RAPGEF2: variants seen among roughly 807,000 people sequenced by gnomAD.
RAPGEF2 encodes Rap guanine nucleotide exchange factor 2.
A neutral mutation model predicts 186.7 loss-of-function variants in RAPGEF2; 54 were observed. The ratio of observed to expected loss-of-function variants is 0.29; its 90% confidence interval spans 0.23 to 0.36. The LOEUF (loss-of-function observed/expected upper bound fraction) is 0.36, where lower values mean the gene tolerates loss of function less well. Ranked by LOEUF, RAPGEF2 falls within the 10% of genes least tolerant of loss-of-function variation. The probability of loss-of-function intolerance (pLI) is 1.00; values close to 1 mark genes in which losing one functional copy is unlikely to be tolerated. For missense variants in RAPGEF2, 1,532 were observed against 2,045.0 expected, an observed-to-expected ratio of 0.75 and a Z score of 4.84; for synonymous variants, 712 against 705.9, an observed-to-expected ratio of 1.01 and a Z score of -0.14.
chr4:159,286,030 A>AACCACC (rs35426817), intron 7 of RAPGEF2, among the ~76,000 whole-genome samples: 12,625 of 89,040 alleles, frequency 0.14, 1,588 homozygotes, highest in East Asian at 0.36. Flanking sequence ...TGTTCCCCCC[A>AACCACC]ACCACCACCA....
chr4:159,115,762 G>A (rs1012408864), intron 1 of RAPGEF2, among the ~76,000 whole-genome samples: 1 of 152,124 alleles, frequency 6.6e-6, no homozygotes, highest in African/African-American at 2.4e-5. Context: ...ACAGAATAGT[G>A]ATCTCAGAAA....
chr4:159,278,416 C>A (rs1759222431), intron 7 of RAPGEF2, among the ~76,000 whole-genome samples: 1 of 152,092 alleles, frequency 6.6e-6, no homozygotes, highest in Non-Finnish European at 1.5e-5. Context: ...CATTCCTACC[C>A]CTAAGGAACC....
Position 159,143,185 on chromosome 4 carries a change from G to A in RAPGEF2, c.69+38954G>A, listed in dbSNP as rs80293079. On this transcript the variant is annotated intron_variant, in intron 1 of 29. Transcript: ENST00000691494. ...TTCCAGGCTGTATCATATGATGATC[G>A]CTCCTCTGCATAGCTACTGCACTCC... 3.3e-5 allele frequency among the ~76,000 whole-genome samples: 5 copies of A among 151,906 alleles called. No individual in the cohort carries two copies. In the East Asian group the frequency reaches 7.7e-4, roughly 23 times the overall value.
At chr4:159,242,079 T>A (rs1754080531) in intron 6 of RAPGEF2, among the ~76,000 whole-genome samples, 1 of 152,080 alleles carries the variant, frequency 6.6e-6, no homozygotes, top group South Asian at 2.1e-4. Flanking sequence ...CTGCTTTTTA[T>A]GTTTGAGGAA....
At chr4:159,199,057 CA>C (rs749062756) in intron 3 of RAPGEF2, among the ~76,000 whole-genome samples, 15,995 of 80,370 alleles carry the variant, frequency 0.2, 708 homozygotes, top group Admixed American at 0.23. Context: ...GACCCTGTCT[CA>C]AAAAAAAAAA....
chr4:159,312,154 A>G (rs1579888756), intron 8 of RAPGEF2, among the ~76,000 whole-genome samples: 2 of 152,278 alleles, frequency 1.3e-5, no homozygotes, highest in East Asian at 3.9e-4. Flanking sequence ...TTTTGCATAC[A>G]TTAGATGTTT....
chr4:159,220,531 A>G (rs1323880713), intron 4 of RAPGEF2, among the ~76,000 whole-genome samples: 14 of 152,240 alleles, frequency 9.2e-5, no homozygotes, highest in Admixed American at 9.2e-4. Flanking sequence ...CATACAGGAC[A>G]GCTCAAAGTG....
At position 159,131,519 on chromosome 4, in the gene RAPGEF2, A is replaced by ATTGGTTTT; in HGVS notation, c.69+27290_69+27291insGGTTTTTT. Among the ~76,000 whole-genome samples the ATTGGTTTT allele has an allele frequency of 1.0e-3, 38 of 37,178 alleles. 1 individual carries two copies. The highest frequency in any genetic ancestry group is 2.6e-3 in the African/African-American group (22 of 8,304). The allele number at this position is 37,178 out of a possible 152,430, so 24.4% of individuals were successfully genotyped here. A position where few individuals can be genotyped will look rare whatever the true frequency, so the allele number is the denominator to read the frequency against. On this transcript the variant is annotated intron_variant, in intron 1 of 29. Transcript: ENST00000691494. Reference sequence around the variant, plus strand: ...TGATATCTTTGTCTGATTAATTGCTATTTTTTTTTTTTTTTTTTTTTTTTT... The same window carrying ATTGGTTTT: ...TGATATCTTTGTCTGATTAATTGCTATTGGTTTTTTTTTTTTTTTTTTTTTTTTTTTTT...
At chr4:159,306,110 G>A (rs1763260359) in intron 8 of RAPGEF2, among the ~76,000 whole-genome samples, 1 of 151,370 alleles carries the variant, frequency 6.6e-6, no homozygotes, top group African/African-American at 2.4e-5. Flanking sequence ...TCACTATTCA[G>A]GCTCTTTTGT....
intron 8 of RAPGEF2, among the ~76,000 whole-genome samples, chr4:159,310,507 T>C (rs891723251): frequency 6.6e-6 from 1 of 152,160 alleles, no homozygotes; most frequent in African/African-American, 2.4e-5. Flanking sequence ...TTGTGAATTT[T>C]CTTGATTTTT....
At chr4:159,311,243 A>C (rs770461932) in intron 8 of RAPGEF2, among the ~76,000 whole-genome samples, 1 of 152,196 alleles carries the variant, frequency 6.6e-6, no homozygotes, top group Non-Finnish European at 1.5e-5. Context: ...ATAGTCATTC[A>C]ATATAGGATC....
At chr4:159,162,682 C>T (rs1453132592) in intron 1 of RAPGEF2, among the ~76,000 whole-genome samples, 3 of 152,026 alleles carry the variant, frequency 2.0e-5, no homozygotes, top group Non-Finnish European at 4.4e-5. Flanking sequence ...GATTATAGCC[C>T]TCAGCCACCC....
chr4:159,170,932 T>C lies in RAPGEF2; in HGVS notation c.70-15710T>C, dbSNP rs1397112426. ...CTGCATGTGTAGATACCCAGTTTTCTCAACATCATTTATTGAAGAGACTCT... is the reference window on the plus strand; with the variant it reads ...CTGCATGTGTAGATACCCAGTTTTCCCAACATCATTTATTGAAGAGACTCT... On this transcript the variant is annotated intron_variant, in intron 1 of 29. Coordinates refer to ENST00000691494, the MANE Select transcript of RAPGEF2 (RefSeq NM_001394067.2). Among the ~76,000 whole-genome samples, 4 of 152,108 alleles carry C rather than the reference T, an allele frequency of 2.6e-5. 1 individual carries two copies. In the East Asian group the frequency reaches 5.8e-4, roughly 22 times the overall value.
chr4:159,187,125 A>G (rs766168519), intron 2 of RAPGEF2, among the ~76,000 whole-genome samples: 2 of 152,226 alleles, frequency 1.3e-5, no homozygotes, highest in African/African-American at 4.8e-5. Context: ...TGCTTCATCT[A>G]GGTCCTATAC....
At chr4:159,344,469 G>A (rs1730007986) in intron 23 of RAPGEF2, among the ~76,000 whole-genome samples, 1 of 152,156 alleles carries the variant, frequency 6.6e-6, no homozygotes, top group African/African-American at 2.4e-5. Flanking sequence ...TATAAAATAG[G>A]TGCCCCCAGG....
intron 7 of RAPGEF2, among the ~76,000 whole-genome samples, chr4:159,287,302 A>T (rs1760630447): frequency 6.6e-6 from 1 of 152,158 alleles, no homozygotes; most frequent in Admixed American, 6.5e-5. Flanking sequence ...TTTAATATTT[A>T]ACATTTTAAT....
intron 7 of RAPGEF2, among the ~76,000 whole-genome samples, chr4:159,297,264 C>T (rs1033434561): frequency 8.5e-5 from 13 of 152,286 alleles, no homozygotes; most frequent in African/African-American, 3.1e-4. Flanking sequence ...AAACACACAA[C>T]ACAGTGGTGT....
chr4:159,354,886 T>C (rs2111345190), intron 28 of RAPGEF2, among the ~76,000 whole-genome samples: 1 of 152,338 alleles, frequency 6.6e-6, no homozygotes, highest in East Asian at 1.9e-4. Flanking sequence ...AACATCTATA[T>C]AGACGAAGTG....
At chr4:159,250,927 A>G (rs991103419) in intron 7 of RAPGEF2, among the ~76,000 whole-genome samples, 5 of 151,988 alleles carry the variant, frequency 3.3e-5, no homozygotes, top group Non-Finnish European at 7.4e-5. Flanking sequence ...GTGGAGGGAG[A>G]TGCGCAGGTG....
Sources: gnomAD v4.1 joint callset for allele counts (sites outside exome capture counted in the v4.1 genomes callset) on GRCh38, gnomAD v4.1.1 for gene constraint, MANE v1.5 for transcripts, NCBI Gene and HGNC (gene_info 2026-07-23, HGNC 2026-07-21) for gene names.